Variants in RUFY3 observed in about 807,000 individuals in gnomAD.
RUFY3 encodes the protein protein RUFY3.
A neutral mutation model predicts 84.0 loss-of-function variants in RUFY3; 34 were observed. The ratio of observed to expected loss-of-function variants is 0.40; its 90% CI spans 0.31 to 0.54. RUFY3 has a LOEUF of 0.54. Ranked by LOEUF, RUFY3 falls within the 20% of genes least tolerant of loss-of-function variation. The probability of loss-of-function intolerance (pLI) is 0.39; values close to 1 mark genes in which losing one functional copy is unlikely to be tolerated. For missense variants in RUFY3, 507 were observed against 736.8 expected, an observed-to-expected ratio of 0.69 and a Z score of 3.61; for synonymous variants, 242 against 252.9, an observed-to-expected ratio of 0.96 and a Z score of 0.41.
At position 70,806,504 on chromosome 4, in the gene RUFY3, C is replaced by T. The variant is rs1206720699; in HGVS notation, c.1720-12C>T. The T allele has an allele frequency of 6.2e-7, 1 of 1,613,848 alleles. No homozygotes were observed. The highest frequency in any genetic ancestry group is 1.1e-5 in the South Asian group (1 of 91,046). The stretch of plus-strand genomic sequence containing the variant: ...CATCTTCTATTCCCCGCCTAACCTC[C>T]TCTTCTCATAGAATGTGTGTAAGAA... On this transcript the variant is annotated splice_polypyrimidine_tract_variant and intron_variant, in intron 17 of 17. Coordinates refer to ENST00000381006, the MANE Select transcript of RUFY3 (RefSeq NM_001037442.4).
rs774302075 is a variant in RUFY3, at chr4:70,775,120, A to G, written c.759-48A>G. The G allele has an allele frequency of 2.1e-6, 3 of 1,425,582 alleles. No homozygotes were observed. In the South Asian group the frequency reaches 3.7e-5, roughly 18 times the overall value. The allele number at this position is 1,425,582 out of a possible 1,614,324, so 88.3% of individuals were successfully genotyped here. A position where few individuals can be genotyped will look rare whatever the true frequency, so the allele number is the denominator to read the frequency against. On this transcript the variant is annotated intron_variant, in intron 6 of 17. Transcript: ENST00000381006. Reference sequence around the variant, plus strand: ...GGTGGGGTGGGGTTGGGATCTTGGTATTTCTTATGTTATTTATTTTATTTC... The same window carrying G: ...GGTGGGGTGGGGTTGGGATCTTGGTGTTTCTTATGTTATTTATTTTATTTC...
At chr4:70,769,918 G>T (rs1025856460) in intron 5 of RUFY3, among the ~76,000 whole-genome samples, 8 of 152,146 alleles carry the variant, frequency 5.3e-5, no homozygotes, top group African/African-American at 1.2e-4. Flanking sequence ...CGCCTCCTGG[G>T]CTCAAGCAAT....
intron 10 of RUFY3, 43 bp from the exon 11 acceptor site, chr4:70,788,763 T>C: frequency 6.2e-7 from 1 of 1,602,552 alleles, no homozygotes; most frequent in Non-Finnish European, 8.5e-7. Context: ...TGTACTTAGT[T>C]GAAGGAACAG....
At chr4:70,785,885 C>T (rs1729707780) in intron 10 of RUFY3, among the ~76,000 whole-genome samples, 1 of 152,052 alleles carries the variant, frequency 6.6e-6, no homozygotes, top group African/African-American at 2.4e-5. Context: ...AAAGATCCAG[C>T]AATCCCACTA....
chr4:70,738,363 T>A (rs1394293026), intron 1 of RUFY3, among the ~76,000 whole-genome samples: 1 of 143,380 alleles, frequency 7.0e-6, no homozygotes, highest in African/African-American at 2.6e-5. Context: ...CATCTTTTTT[T>A]TTTTTTTTTT....
intron 1 of RUFY3, among the ~76,000 whole-genome samples, chr4:70,725,108 A>G (rs1718002418): frequency 6.6e-6 from 1 of 152,226 alleles, no homozygotes; most frequent in Non-Finnish European, 1.5e-5. Flanking sequence ...AAAATGATGT[A>G]GACTGACTGT....
chr4:70,726,701 G>A (rs747711879), intron 1 of RUFY3, among the ~76,000 whole-genome samples: 1 of 152,154 alleles, frequency 6.6e-6, no homozygotes, highest in Non-Finnish European at 1.5e-5. Context: ...CCTTCTACCC[G>A]CCCCACAGAA....
intron 1 of RUFY3, among the ~76,000 whole-genome samples, chr4:70,706,567 T>G (rs540232055): frequency 2.6e-4 from 40 of 152,346 alleles, no homozygotes; most frequent in South Asian, 1.0e-3. Flanking sequence ...GCTAAACCCA[T>G]GCTCTTTAAA....
At chr4:70,705,504 T>G (rs779088295) in intron 1 of RUFY3, among the ~76,000 whole-genome samples, 5 of 152,080 alleles carry the variant, frequency 3.3e-5, no homozygotes, top group South Asian at 2.1e-4. Flanking sequence ...GGGCGCCGGA[T>G]TCTACCTCCG....
chr4:70,761,749 G>C (rs1366754886), intron 1 of RUFY3, among the ~76,000 whole-genome samples: 1 of 152,244 alleles, frequency 6.6e-6, no homozygotes, highest in Non-Finnish European at 1.5e-5. Context: ...ACTTAAAAAT[G>C]TGGGAGTTGA....
At chr4:70,770,427 G>A (rs768489492) in intron 5 of RUFY3, among the ~76,000 whole-genome samples, 30 of 152,172 alleles carry the variant, frequency 2.0e-4, no homozygotes, top group Non-Finnish European at 4.0e-4. Flanking sequence ...ACTTGCTACA[G>A]CTTCTATTAT....
intron 9 of RUFY3, 123 bp from the exon 10 acceptor site, chr4:70,784,673 G>T (rs762934848): frequency 6.2e-5 from 31 of 503,036 alleles, no homozygotes; most frequent in Non-Finnish European, 9.3e-5. Flanking sequence ...TTTCTTTGTT[G>T]TGTTTGTTCA....
upstream of RUFY3, among the ~76,000 whole-genome samples, chr4:70,719,833 T>C (rs931216664): frequency 3.3e-5 from 5 of 152,196 alleles, no homozygotes; most frequent in Non-Finnish European, 7.3e-5. Flanking sequence ...GGTGTTTCTG[T>C]CTTACTGCTG....
chr4:70,736,212 T>C (rs1337553095), intron 1 of RUFY3, among the ~76,000 whole-genome samples: 1 of 150,914 alleles, frequency 6.6e-6, no homozygotes, highest in Non-Finnish European at 1.5e-5. Flanking sequence ...CATTATTATG[T>C]ACAGATATTT....
At chr4:70,714,436 A>C (rs865993467) in intron 1 of RUFY3, among the ~76,000 whole-genome samples, 1 of 152,284 alleles carries the variant, frequency 6.6e-6, no homozygotes, top group South Asian at 2.1e-4. Context: ...TTTCTTGTCT[A>C]TTGCCTTGTT....
At chr4:70,793,245 C>T (rs1731086961) in intron 12 of RUFY3, 3 of 987,084 alleles carry the variant, frequency 3.0e-6, no homozygotes, top group Non-Finnish European at 3.6e-6. Flanking sequence ...TATAGAATAA[C>T]CCAAAGCCTA....
intron 1 of RUFY3, among the ~76,000 whole-genome samples, chr4:70,723,159 T>C (rs551873878): frequency 6.6e-6 from 1 of 152,278 alleles, no homozygotes; most frequent in Non-Finnish European, 1.5e-5. Flanking sequence ...TTGTACATGA[T>C]GAATACAGTA....
intron 8 of RUFY3, among the ~76,000 whole-genome samples, chr4:70,779,472 G>A (rs1479825711): frequency 6.6e-6 from 1 of 151,914 alleles, no homozygotes; most frequent in Non-Finnish European, 1.5e-5. Context: ...TCCTTAACTT[G>A]CCAAGCCTTA....
chr4:70,738,106 C>G (rs1436866458), intron 1 of RUFY3, among the ~76,000 whole-genome samples: 1 of 151,134 alleles, frequency 6.6e-6, no homozygotes, highest in South Asian at 2.1e-4. Context: ...ACCTTGGCCT[C>G]CCAAGTAGCT....
Sources: allele counts gnomAD v4.1 joint callset (sites outside exome capture counted in the v4.1 genomes callset), GRCh38; gene constraint gnomAD v4.1.1; transcripts MANE v1.5; gene names NCBI Gene and HGNC (gene_info 2026-07-23, HGNC 2026-07-21).